Variants in CHD7 observed in about 807,000 individuals in gnomAD.
CHD7 encodes ATP-dependent chromatin remodeler CHD7.
CHD7 carries 24 observed loss-of-function variants against 307.3 expected under a neutral mutation model. The observed-to-expected ratio is 0.08, with a 90% CI of 0.06 to 0.11. The LOEUF (loss-of-function observed/expected upper bound fraction) is 0.11. Ranked by LOEUF, CHD7 falls within the 10% of genes least tolerant of loss-of-function variation. CHD7 has a pLI of 1.00. For missense variants in CHD7, 3,106 were observed against 3,727.1 expected (o/e 0.83, Z 4.34); for synonymous variants, 1,363 against 1,349.9 (o/e 1.01, Z -0.21).
At position 60,792,765 on chromosome 8, in the gene CHD7, A is replaced by C. The variant is rs181540789; in HGVS notation, c.2097-2221A>C. 2.2e-3 allele frequency among the ~76,000 whole-genome samples: 337 copies of C among 152,298 alleles called. 2 individuals carry two copies. Among genetic ancestry groups the C allele is most frequent in the African/African-American group, 7.8e-3 (325 of 41,564 alleles). On this transcript the variant is annotated intron_variant, in intron 3 of 37. Coordinates refer to ENST00000423902, the MANE Select transcript of CHD7 (RefSeq NM_017780.4). Reference sequence around the variant, plus strand: ...GCATGCAGGGCCTGGCAGCCCTCTAAATTAAACCGTGTACATCGCTCTGGT... The same window carrying C: ...GCATGCAGGGCCTGGCAGCCCTCTACATTAAACCGTGTACATCGCTCTGGT...
rs924781941 is a variant in CHD7 at position 60,794,971 on chromosome 8, C to T, written c.2097-15C>T. The T allele has an allele frequency of 6.2e-7, 1 of 1,608,228 alleles. No homozygotes were observed. The highest frequency in any genetic ancestry group is 1.3e-5 in the African/African-American group (1 of 74,454). ...CATTAAAAGTGAACACTAAGCGATC[C>T]ACTTTGAATTCTAGTAATAAGAAAC... On this transcript the variant is annotated splice_polypyrimidine_tract_variant and intron_variant, in intron 3 of 37. Coordinates refer to ENST00000423902, the MANE Select transcript of CHD7 (RefSeq NM_017780.4).
At chr8:60,805,609 GGGAAC>G (rs1213993101) in intron 6 of CHD7, among the ~76,000 whole-genome samples, 1 of 152,138 alleles carries the variant, frequency 6.6e-6, no homozygotes, top group Non-Finnish European at 1.5e-5. Context: ...AGAGCTTTCT[GGGAAC>G]AGACTTGAGA....
intron 1 of CHD7, among the ~76,000 whole-genome samples, chr8:60,698,044 G>A (rs1427047946): frequency 6.6e-6 from 1 of 152,170 alleles, no homozygotes; most frequent in African/African-American, 2.4e-5. Flanking sequence ...TGTTCCACAG[G>A]AGTGATGCCA....
chr8:60,777,986 T>G (rs779812504), intron 2 of CHD7, among the ~76,000 whole-genome samples: 2 of 151,924 alleles, frequency 1.3e-5, no homozygotes, highest in Non-Finnish European at 2.9e-5. Flanking sequence ...CATGGTAATA[T>G]CAGATGTTAA....
intron 1 of CHD7, among the ~76,000 whole-genome samples, chr8:60,680,103 GC>G (rs1403404879): frequency 6.6e-6 from 1 of 150,826 alleles, no homozygotes; most frequent in African/African-American, 2.4e-5. Context: ...CGGCTCCCCC[GC>G]CCCCCAACCC....
chr8:60,760,631 TCAAA>T (rs1335995825), intron 2 of CHD7, among the ~76,000 whole-genome samples: 1 of 149,584 alleles, frequency 6.7e-6, no homozygotes, highest in Non-Finnish European at 1.5e-5. Context: ...TACAATGAAC[TCAAA>T]CAAATTTACA....
At chr8:60,816,770 G>A (rs1236904586) in intron 8 of CHD7, among the ~76,000 whole-genome samples, 1 of 152,208 alleles carries the variant, frequency 6.6e-6, no homozygotes, top group Admixed American at 6.5e-5. Flanking sequence ...AGTACAGTTA[G>A]CAGATGATGA....
chr8:60,718,977 A>G lies in CHD7; in HGVS notation c.-174-22282A>G, dbSNP rs185149412. Among the ~76,000 whole-genome samples, 741 of 152,364 alleles carry G rather than the reference A, an allele frequency of 4.9e-3. 7 individuals are homozygous for G. The highest frequency in any genetic ancestry group is 0.033 in the South Asian group (160 of 4,832). ...AACATGCTGCACAGGTTTGCAGCCT[A>G]GGAGCAATAGGCTGTATCATGTTGC... is the stretch of plus-strand genomic sequence containing the variant. On this transcript the variant is annotated intron_variant, in intron 1 of 37. Coordinates refer to ENST00000423902, the MANE Select transcript of CHD7 (RefSeq NM_017780.4).
chr8:60,734,934 G>A (rs1456941394), intron 1 of CHD7, among the ~76,000 whole-genome samples: 1 of 152,160 alleles, frequency 6.6e-6, no homozygotes, highest in Non-Finnish European at 1.5e-5. Context: ...CCAGAATTAG[G>A]AGAACTGATT....
At chr8:60,841,804 A>G in intron 20 of CHD7, 43 bp from the exon 21 acceptor site, 1 of 1,608,820 alleles carries the variant, frequency 6.2e-7, no homozygotes, top group Non-Finnish European at 8.5e-7. Context: ...ACCAAGAGCC[A>G]CTCTTTGAGA....
chr8:60,706,724 A>G (rs1403792128), intron 1 of CHD7, among the ~76,000 whole-genome samples: 1 of 152,170 alleles, frequency 6.6e-6, no homozygotes, highest in Non-Finnish European at 1.5e-5. Flanking sequence ...ATATTTTGCT[A>G]TTTAAAAAAG....
intron 3 of CHD7, among the ~76,000 whole-genome samples, chr8:60,783,772 T>TG (rs139778624): frequency 0.014 from 2,137 of 151,278 alleles, 51 homozygotes; most frequent in African/African-American, 0.048. Flanking sequence ...GATGCCACAC[T>TG]GGGGGGGGCG....
At chr8:60,796,504 C>T (rs1210131715) in intron 4 of CHD7, among the ~76,000 whole-genome samples, 7 of 152,070 alleles carry the variant, frequency 4.6e-5, no homozygotes, top group African/African-American at 1.7e-4. Context: ...TTGTTTGCAT[C>T]AGTAGAGGAA....
At chr8:60,840,537 A>G (rs747042343) in intron 19 of CHD7, among the ~76,000 whole-genome samples, 1 of 151,638 alleles carries the variant, frequency 6.6e-6, no homozygotes, top group East Asian at 1.9e-4. Flanking sequence ...ATATCTCACT[A>G]TGTTGCCCAG....
At chr8:60,709,924 TTGTTAGTAA>T (rs1350812534) in intron 1 of CHD7, among the ~76,000 whole-genome samples, 2 of 152,208 alleles carry the variant, frequency 1.3e-5, no homozygotes, top group African/African-American at 4.8e-5. Context: ...TATACCTGAT[TTGTTAGTAA>T]TGGAGTATTT....
chr8:60,761,710 A>G (rs563362498), intron 2 of CHD7, among the ~76,000 whole-genome samples: 9 of 151,966 alleles, frequency 5.9e-5, no homozygotes, highest in Non-Finnish European at 1.2e-4. Context: ...TCCATAATCC[A>G]TGTATTTTCT....
chr8:60,777,154 C>T (rs562470244), intron 2 of CHD7, among the ~76,000 whole-genome samples: 5 of 152,062 alleles, frequency 3.3e-5, no homozygotes, highest in African/African-American at 7.2e-5. Flanking sequence ...TATTCTGGTC[C>T]GCTTGGTACC....
chr8:60,746,044 A>C (rs886249116), intron 2 of CHD7, among the ~76,000 whole-genome samples: 2 of 151,942 alleles, frequency 1.3e-5, no homozygotes, highest in African/African-American at 4.8e-5. Flanking sequence ...TTATTTATTT[A>C]TTATTTTTTG....
At position 60,708,776 on chromosome 8, in the gene CHD7, A is replaced by G. The variant is rs182933827; in HGVS notation, c.-175+29694A>G. Among the ~76,000 whole-genome samples the G allele has an allele frequency of 6.6e-5, 10 of 152,036 alleles. No individual in the cohort carries two copies. In the East Asian group the frequency reaches 1.9e-3, roughly 29 times the overall value. On this transcript the variant is annotated intron_variant, in intron 1 of 37. Coordinates refer to ENST00000423902, the MANE Select transcript of CHD7 (RefSeq NM_017780.4). ...GTTTTCAGGTTCTGTTTCAAATACT[A>G]CCTCTTCTGTAAAGCCATTTCTGAC...
Sources: allele counts gnomAD v4.1 joint callset (sites outside exome capture counted in the v4.1 genomes callset), GRCh38; gene constraint gnomAD v4.1.1; transcripts MANE v1.5; gene names NCBI Gene and HGNC (gene_info 2026-07-23, HGNC 2026-07-21).